ARMC9: variants seen among roughly 807,000 people sequenced by gnomAD.
ARMC9 encodes the protein armadillo repeat containing 9.
ARMC9 carries 94 observed loss-of-function variants against 107.0 expected under a neutral mutation model. That is an observed-to-expected ratio of 0.88 (90% CI 0.74 to 1.04). The LOEUF (loss-of-function observed/expected upper bound fraction) is 1.04. Among genes scored for constraint, ARMC9 ranks in the 50% least tolerant of loss-of-function variants. The pLI, the probability that ARMC9 is intolerant of heterozygous loss-of-function variation, is 0.00. For missense variants in ARMC9, 942 were observed against 1,030.1 expected, an observed-to-expected ratio of 0.91 and a Z score of 1.17; for synonymous variants, 380 against 396.9, an observed-to-expected ratio of 0.96 and a Z score of 0.51.
At chr2:231,298,200 A>C (rs1477041033) in intron 19 of ARMC9, among the ~76,000 whole-genome samples, 1 of 152,240 alleles carries the variant, frequency 6.6e-6, no homozygotes, top group South Asian at 2.1e-4. Flanking sequence ...TAAGGAAAAG[A>C]TCTGTCATTT....
At chr2:231,254,050 C>G (rs1399703191) in intron 9 of ARMC9, among the ~76,000 whole-genome samples, 1 of 151,996 alleles carries the variant, frequency 6.6e-6, no homozygotes. Flanking sequence ...ACTTACATGA[C>G]GCAGCACAGC....
Position 231,331,897 on chromosome 2 carries a change from G to C in ARMC9, c.1878G>C (p.Gly626=). 1 of 1,609,484 alleles carries C rather than the reference G, an allele frequency of 6.2e-7. No homozygotes were observed. The highest frequency in any genetic ancestry group is 8.5e-7 in the Non-Finnish European group (1 of 1,176,248). Residue 626 remains glycine (G), a splice_region_variant and synonymous_variant, in exon 20 of 25, where the codon GGG becomes GGC. Coordinates refer to ENST00000611582, the MANE Select transcript of ARMC9 (RefSeq NM_001352754.2). ...GEKLLTTEYL[G]IMTNTGKTRR... ...AGCTTCTGACCACGGAGTACCTGGG[G>C]GTAAGTGCCACACAAAGGGTGGGGA...
chr2:231,269,389 TTTC>T (rs1371493757), intron 12 of ARMC9, among the ~76,000 whole-genome samples: 1 of 148,446 alleles, frequency 6.7e-6, no homozygotes, highest in Non-Finnish European at 1.5e-5. Context: ...GGAGATTTCT[TTTC>T]TTCTTCTTTT....
chr2:231,306,906 T>C (rs999366400), intron 19 of ARMC9, among the ~76,000 whole-genome samples: 4 of 152,224 alleles, frequency 2.6e-5, no homozygotes, highest in African/African-American at 9.6e-5. Flanking sequence ...TTATTCTTCC[T>C]TCCCTTCTTG....
intron 19 of ARMC9, among the ~76,000 whole-genome samples, chr2:231,323,010 CA>C (rs2043082841): frequency 6.6e-6 from 1 of 152,162 alleles, no homozygotes; most frequent in African/African-American, 2.4e-5. Flanking sequence ...GCCAGGCTTG[CA>C]TTGAGAGAGG....
chr2:231,213,563 G>A (rs1041748421), intron 3 of ARMC9, among the ~76,000 whole-genome samples: 3 of 150,516 alleles, frequency 2.0e-5, no homozygotes, highest in Admixed American at 6.6e-5. Context: ...CCCAACCTCC[G>A]CCTCCCGGGT....
chr2:231,309,989 A>T (rs2042245053), intron 19 of ARMC9, among the ~76,000 whole-genome samples: 1 of 152,208 alleles, frequency 6.6e-6, no homozygotes, highest in African/African-American at 2.4e-5. Context: ...TAGAAAACAT[A>T]GAAATAGAAG....
intron 5 of ARMC9, among the ~76,000 whole-genome samples, chr2:231,217,281 G>A (rs1190780331): frequency 1.3e-5 from 2 of 152,210 alleles, no homozygotes; most frequent in Non-Finnish European, 2.9e-5. Flanking sequence ...GTGTACCAGT[G>A]TTAAAATGTT....
At chr2:231,356,106 T>G (rs1178945946) in intron 22 of ARMC9, among the ~76,000 whole-genome samples, 172 bp downstream of exon 22, 2 of 152,228 alleles carry the variant, frequency 1.3e-5, no homozygotes, top group African/African-American at 2.4e-5. Context: ...GCCAGACCCA[T>G]GCTGGGCTGG....
At chr2:231,224,425 C>T (rs1336561212) in intron 6 of ARMC9, among the ~76,000 whole-genome samples, 1 of 152,070 alleles carries the variant, frequency 6.6e-6, no homozygotes, top group African/African-American at 2.4e-5. Flanking sequence ...TGAACTTCAG[C>T]CTGGGCAACA....
intron 5 of ARMC9, among the ~76,000 whole-genome samples, chr2:231,218,392 A>G (rs1483261908): frequency 6.6e-6 from 1 of 152,136 alleles, no homozygotes; most frequent in Non-Finnish European, 1.5e-5. Context: ...TTAAATTAAA[A>G]AATTTCTAAA....
At chr2:231,257,370 G>A (rs1390536372) in intron 10 of ARMC9, among the ~76,000 whole-genome samples, 1 of 152,178 alleles carries the variant, frequency 6.6e-6, no homozygotes, top group Non-Finnish European at 1.5e-5. Flanking sequence ...ATGCTGTGGT[G>A]GCAAGGAAGT....
chr2:231,304,361 G>A (rs1227657685), intron 19 of ARMC9, among the ~76,000 whole-genome samples: 1 of 152,074 alleles, frequency 6.6e-6, no homozygotes, highest in East Asian at 1.9e-4. Context: ...TGATCATTTG[G>A]AAAATATTGG....
intron 17 of ARMC9, among the ~76,000 whole-genome samples, chr2:231,289,699 G>T: frequency 6.6e-6 from 1 of 152,008 alleles, no homozygotes; most frequent in Non-Finnish European, 1.5e-5. Flanking sequence ...AACTGGTCCC[G>T]CAGGAGCCTG....
chr2:231,214,224 G>A (rs1485296702), intron 3 of ARMC9, among the ~76,000 whole-genome samples: 1 of 152,258 alleles, frequency 6.6e-6, no homozygotes, highest in Non-Finnish European at 1.5e-5. Context: ...CGCTGCAGCT[G>A]CAGCTGGCAG....
rs559829494 is a variant in ARMC9, at chr2:231,240,018, G to A, written c.856G>A (p.Val286Met). ...GATGCGGCAGAGCCTGGCGCATAGT[G>A]TGGACTTCACGAGGCCTGGGACGGT... ...NQMRQSLAHS[V>M]DFTRPGTAST... is the part of the protein sequence containing the mutation. Residue 286 changes from valine to methionine, a missense_variant, in exon 9 of 25, where the codon GTG (valine) becomes ATG (methionine). Transcript: ENST00000611582. 2 of 1,613,808 alleles carry A rather than the reference G, an allele frequency of 1.2e-6. No individual in the cohort carries two copies. The highest frequency in any genetic ancestry group is 2.2e-5 in the East Asian group (1 of 44,868).
intron 23 of ARMC9, among the ~76,000 whole-genome samples, chr2:231,367,141 T>C (rs55876614): frequency 0.2 from 30,816 of 152,006 alleles, 7,595 homozygotes; most frequent in African/African-American, 0.59. Context: ...TGAGCCACCA[T>C]GCCCGGCCAA....
intron 19 of ARMC9, among the ~76,000 whole-genome samples, chr2:231,301,262 A>C (rs2041709185): frequency 1.3e-5 from 2 of 152,194 alleles, no homozygotes; most frequent in Admixed American, 6.5e-5. Flanking sequence ...TGAATGTATA[A>C]TTTTCTAGAT....
rs567278097 is a variant in ARMC9, at chr2:231,297,836, A to G, written c.1773+1583A>G. On this transcript the variant is annotated intron_variant, in intron 19 of 24. Coordinates refer to ENST00000611582, the MANE Select transcript of ARMC9 (RefSeq NM_001352754.2). This position sits in a 1 kb window ranked among gnomAD's most constrained non-coding sequence, Gnocchi z 4.2. ...AATATTTAATTATTTGTTTTTAACA[A>G]CTTTTTTTCATTGTGTCCTAAAGTT... Among the ~76,000 whole-genome samples the G allele has an allele frequency of 2.6e-5, 4 of 152,116 alleles. No homozygotes were observed. Among genetic ancestry groups the G allele is most frequent in the South Asian group, 4.2e-4 (2 of 4,816 alleles).
Sources: gnomAD v4.1 joint callset for allele counts (sites outside exome capture counted in the v4.1 genomes callset) on GRCh38, gnomAD v4.1.1 for gene constraint, Gnocchi (gnomAD v3.1) non-coding constraint, MANE v1.5 for transcripts, NCBI Gene and HGNC (gene_info 2026-07-23, HGNC 2026-07-21) for gene names.